The following CDH2 variants were observed in gnomAD, a reference collection of about 807,000 sequenced individuals.
CDH2 encodes the protein cadherin-2.
Under a neutral mutation model 92.0 loss-of-function variants are expected in CDH2, and 17 were observed. The observed-to-expected ratio is 0.18, with a 90% confidence interval of 0.13 to 0.28. CDH2 has a LOEUF of 0.28. CDH2 is among the 10% of genes least tolerant of loss of function. The pLI, the probability that CDH2 is intolerant of heterozygous loss-of-function variation, is 1.00. For synonymous variants in CDH2, 419 were observed against 415.9 expected (o/e 1.01, Z -0.09); for missense variants, 862 against 1,133.1 (o/e 0.76, Z 3.44).
chr18:28,098,000 G>A (rs1043571164), intron 2 of CDH2, among the ~76,000 whole-genome samples: 6 of 152,082 alleles, frequency 3.9e-5, no homozygotes, highest in African/African-American at 1.4e-4. Flanking sequence ...TGTATATCCT[G>A]TGTCCCAAAA....
At chr18:28,075,496 G>A (rs774307049) in intron 2 of CDH2, among the ~76,000 whole-genome samples, 9 of 152,148 alleles carry the variant, frequency 5.9e-5, no homozygotes, top group Admixed American at 3.9e-4. Flanking sequence ...AACAAACAGG[G>A]AACTGACATG....
intron 2 of CDH2, among the ~76,000 whole-genome samples, chr18:28,066,144 A>G (rs932036071): frequency 7.9e-5 from 12 of 152,240 alleles, no homozygotes; most frequent in Non-Finnish European, 1.8e-4. Context: ...TGGTAAGTAC[A>G]AAACATGCAT....
chr18:28,057,285 A>ATT (rs1243784249), intron 2 of CDH2, among the ~76,000 whole-genome samples: 7 of 152,344 alleles, frequency 4.6e-5, no homozygotes, highest in Admixed American at 2.0e-4. Flanking sequence ...CAGAACAAGA[A>ATT]TTATTTAAAT....
At chr18:28,075,247 TG>T (rs2014696721) in intron 2 of CDH2, among the ~76,000 whole-genome samples, 1 of 152,142 alleles carries the variant, frequency 6.6e-6, no homozygotes, top group Admixed American at 6.5e-5. Context: ...AGAGTCCATA[TG>T]GGATCACATA....
chr18:28,053,469 A>T (rs1416644040), intron 2 of CDH2, among the ~76,000 whole-genome samples: 4 of 152,210 alleles, frequency 2.6e-5, no homozygotes, highest in Non-Finnish European at 1.5e-5. Context: ...GACCAAACCA[A>T]GATGGGGTTA....
At chr18:27,982,902 C>G (rs200453122) in intron 14 of CDH2, 42 bp downstream of exon 14, 53 of 1,388,612 alleles carry the variant, frequency 3.8e-5, no homozygotes, top group Non-Finnish European at 5.0e-5. Flanking sequence ...TAAATTTATA[C>G]GATCATAAAA....
chr18:28,062,811 A>G (rs2014429162), intron 2 of CDH2, among the ~76,000 whole-genome samples: 1 of 152,122 alleles, frequency 6.6e-6, no homozygotes, highest in Non-Finnish European at 1.5e-5. Flanking sequence ...CTTCTCTACC[A>G]AAACTACAAA....
At chr18:28,024,960 A>G (rs2013510950) in intron 2 of CDH2, among the ~76,000 whole-genome samples, 1 of 152,198 alleles carries the variant, frequency 6.6e-6, no homozygotes, top group Admixed American at 6.5e-5. Flanking sequence ...CTGATACCAC[A>G]CTAAAACAGT....
intron 2 of CDH2, among the ~76,000 whole-genome samples, chr18:28,069,336 AAATAATC>A (rs2014572752): frequency 6.6e-6 from 1 of 152,194 alleles, no homozygotes; most frequent in Non-Finnish European, 1.5e-5. Flanking sequence ...TAAGTGGAAA[AAATAATC>A]AATTTTATTC....
intron 15 of CDH2, among the ~76,000 whole-genome samples, chr18:27,955,385 A>G (rs1341724356): frequency 3.4e-5 from 3 of 87,470 alleles, no homozygotes; most frequent in Non-Finnish European, 8.4e-5. Flanking sequence ...AAAAAAAAAA[A>G]GAAAAAGAAA....
intron 1 of CDH2, among the ~76,000 whole-genome samples, chr18:28,162,249 C>T (rs952164915): frequency 1.3e-5 from 2 of 152,130 alleles, no homozygotes; most frequent in African/African-American, 4.8e-5. Context: ...TGTTGAAGTG[C>T]CAGCAGGGCC....
At chr18:27,988,039 G>A (rs1372025861) in intron 11 of CDH2, among the ~76,000 whole-genome samples, 2 of 152,124 alleles carry the variant, frequency 1.3e-5, no homozygotes, top group African/African-American at 4.8e-5. Flanking sequence ...AGGAAAAAAA[G>A]GTGCTACATA....
intron 7 of CDH2, among the ~76,000 whole-genome samples, chr18:28,002,047 C>T (rs550838286): frequency 2.6e-5 from 4 of 152,286 alleles, no homozygotes; most frequent in African/African-American, 7.2e-5. Context: ...TTCACTCAAA[C>T]AATGATTACA....
intron 10 of CDH2, among the ~76,000 whole-genome samples, chr18:27,989,280 T>A (rs955170848): frequency 6.6e-6 from 1 of 152,028 alleles, no homozygotes; most frequent in Non-Finnish European, 1.5e-5. Context: ...AAATTTGGAG[T>A]GGGGATTAAC....
intron 1 of CDH2, among the ~76,000 whole-genome samples, chr18:28,155,118 C>T (rs1163402411): frequency 6.6e-6 from 1 of 152,124 alleles, no homozygotes; most frequent in Non-Finnish European, 1.5e-5. Context: ...CCCCTGATTC[C>T]TTGTGGAAAT....
intron 2 of CDH2, among the ~76,000 whole-genome samples, chr18:28,077,260 T>C (rs189711797): frequency 1.1e-4 from 16 of 152,270 alleles, no homozygotes; most frequent in Non-Finnish European, 1.8e-4. Context: ...AATCAGAAGG[T>C]TGTAAGCAGA....
intron 2 of CDH2, among the ~76,000 whole-genome samples, chr18:28,109,001 C>T (rs147849716): frequency 2.8e-4 from 42 of 152,198 alleles, no homozygotes; most frequent in African/African-American, 9.4e-4. Flanking sequence ...AACACAACAG[C>T]GCCTTCTCCA....
At chr18:28,120,693 A>G (rs1358305721) in intron 2 of CDH2, among the ~76,000 whole-genome samples, 2 of 152,102 alleles carry the variant, frequency 1.3e-5, no homozygotes, top group African/African-American at 4.8e-5. Flanking sequence ...CAAGTCAGAG[A>G]GAAAACCTAT....
chr18:27,954,053 T>C (rs1909593696), intron 15 of CDH2, among the ~76,000 whole-genome samples: 1 of 152,182 alleles, frequency 6.6e-6, no homozygotes, highest in Non-Finnish European at 1.5e-5. Context: ...CCATGAAATT[T>C]AGCAGTACTT....
Sources: allele counts gnomAD v4.1 joint callset (sites outside exome capture counted in the v4.1 genomes callset), GRCh38; gene constraint gnomAD v4.1.1; transcripts MANE v1.5; gene names NCBI Gene and HGNC (gene_info 2026-07-23, HGNC 2026-07-21).